The following DTNA variants were observed in gnomAD, a reference collection of about 807,000 sequenced individuals.
The protein encoded by DTNA is dystrobrevin alpha.
A neutral mutation model predicts 100.7 loss-of-function variants in DTNA; 43 were observed. The observed-to-expected ratio is 0.43, with a 90% CI of 0.33 to 0.55. The LOEUF is 0.55. DTNA is among the 20% of genes least tolerant of loss of function. DTNA has a pLI of 0.04. For missense variants in DTNA, 798 were observed against 953.9 expected, an observed-to-expected ratio of 0.84 and a Z score of 2.15; for synonymous variants, 349 against 347.9, an observed-to-expected ratio of 1.00 and a Z score of -0.04.
At position 34,528,492 on chromosome 18, in the gene DTNA, A is replaced by C. The variant is rs551130112; in HGVS notation, c.-2+34978A>C. Among the ~76,000 whole-genome samples the C allele has an allele frequency of 2.0e-4, 30 of 152,166 alleles. No individual in the cohort carries two copies. In the Middle Eastern group the frequency reaches 0.014, roughly 69 times the overall value. On this transcript the variant is annotated intron_variant, in intron 1 of 19. Coordinates refer to the DTNA transcript ENST00000283365. ...TTCAGCAATGCATATATATATACAC[A>C]CACATATATTTTTTTCCGACTTAAA...
chr18:34,794,360 C>A, intron 4 of DTNA, 110 bp downstream of exon 4: 1 of 1,225,188 alleles, frequency 8.2e-7, no homozygotes, highest in East Asian at 2.4e-5. Context: ...TTTTTTTACT[C>A]TCTTTTTTCT....
intron 1 of DTNA, among the ~76,000 whole-genome samples, chr18:34,519,214 G>A (rs1001035400): frequency 2.0e-5 from 3 of 152,118 alleles, no homozygotes; most frequent in East Asian, 1.9e-4. Context: ...ATTGTTTTCC[G>A]ATATGAAGCT....
At chr18:34,735,429 C>T (rs2089355107) in intron 1 of DTNA, among the ~76,000 whole-genome samples, 3 of 152,202 alleles carry the variant, frequency 2.0e-5, no homozygotes, top group Admixed American at 2.0e-4. Flanking sequence ...TACTAAAAAA[C>T]TGTTTGCCAA....
At chr18:34,667,893 T>A (rs974199029) in intron 1 of DTNA, among the ~76,000 whole-genome samples, 3 of 152,128 alleles carry the variant, frequency 2.0e-5, no homozygotes, top group Admixed American at 6.6e-5. Flanking sequence ...CTCTTTTTTT[T>A]GTTGTGTCTC....
chr18:34,506,893 T>C (rs2040546946), intron 1 of DTNA, among the ~76,000 whole-genome samples: 1 of 152,180 alleles, frequency 6.6e-6, no homozygotes, highest in African/African-American at 2.4e-5. Context: ...TTTCTCCTTC[T>C]TCACAGAAGC....
At chr18:34,829,518 C>T (rs548641246) in intron 11 of DTNA, 29 bp downstream of exon 11, 19 of 1,490,032 alleles carry the variant, frequency 1.3e-5, no homozygotes, top group African/African-American at 9.7e-5. Context: ...AATTGCTAAT[C>T]GTAGTAGTAG....
At chr18:34,698,501 A>G (rs1430513565) in intron 1 of DTNA, among the ~76,000 whole-genome samples, 1 of 152,124 alleles carries the variant, frequency 6.6e-6, no homozygotes, top group Non-Finnish European at 1.5e-5. Context: ...CCCCGTTTGT[A>G]TGTCTCTTTT....
Position 34,538,871 on chromosome 18 carries a change from G to C in DTNA, c.-2+45357G>C, listed in dbSNP as rs570308097. Among the ~76,000 whole-genome samples the C allele has an allele frequency of 3.3e-5, 5 of 152,020 alleles. No homozygotes were observed. In the South Asian group the frequency reaches 1.0e-3, roughly 32 times the overall value. ...ATCTTCCTAAGAACAAAGAGCAAAA[G>C]CAGAATCCACACAGGAAAATTTTGT... On this transcript the variant is annotated intron_variant, in intron 1 of 19. Coordinates refer to the DTNA transcript ENST00000283365.
At chr18:34,728,659 G>A (rs1298171976) in intron 1 of DTNA, among the ~76,000 whole-genome samples, 3 of 152,254 alleles carry the variant, frequency 2.0e-5, no homozygotes, top group African/African-American at 7.2e-5. Context: ...GAGGCCCAAA[G>A]GGCATCCCCA....
chr18:34,822,817 G>A (rs934968934), intron 9 of DTNA, among the ~76,000 whole-genome samples: 7 of 151,572 alleles, frequency 4.6e-5, no homozygotes, highest in South Asian at 2.1e-4. Context: ...GTTCCATGGA[G>A]AGATTTTAAA....
chr18:34,636,438 T>G (rs1166271114), intron 1 of DTNA, among the ~76,000 whole-genome samples: 1 of 152,174 alleles, frequency 6.6e-6, no homozygotes, highest in African/African-American at 2.4e-5. Context: ...TTAGTAATTT[T>G]TAATGTTTCA....
chr18:34,860,651 G>A (rs189537547), intron 16 of DTNA, among the ~76,000 whole-genome samples: 19 of 152,192 alleles, frequency 1.2e-4, no homozygotes, highest in African/African-American at 4.1e-4. Context: ...TTTGTTTTTC[G>A]TTAATGCATA....
intron 1 of DTNA, among the ~76,000 whole-genome samples, chr18:34,720,029 A>G (rs2084931033): frequency 6.6e-6 from 1 of 152,210 alleles, no homozygotes; most frequent in Admixed American, 6.5e-5. Flanking sequence ...CCGTCTTACT[A>G]GGAATTAAAT....
At chr18:34,529,320 T>C (rs1030686224) in intron 1 of DTNA, among the ~76,000 whole-genome samples, 3 of 152,124 alleles carry the variant, frequency 2.0e-5, no homozygotes, top group African/African-American at 7.2e-5. Context: ...CAGTATGTGA[T>C]TGAAGTCAGC....
chr18:34,499,478 A>G (rs1186375686), intron 1 of DTNA, among the ~76,000 whole-genome samples: 1 of 152,236 alleles, frequency 6.6e-6, no homozygotes, highest in Admixed American at 6.5e-5. Context: ...GTATTAATGT[A>G]TAATATGTAT....
At chr18:34,817,363 A>G (rs550065701) in intron 7 of DTNA, among the ~76,000 whole-genome samples, 1 of 152,326 alleles carries the variant, frequency 6.6e-6, no homozygotes, top group East Asian at 1.9e-4. Flanking sequence ...TTGTTGTTTT[A>G]GTATCTAGCT....
At position 34,746,926 on chromosome 18, in the gene DTNA, A is replaced by T. The variant is rs1319198049; in HGVS notation, c.-1-9050A>T. Among the ~76,000 whole-genome samples the T allele has an allele frequency of 2.0e-5, 3 of 152,102 alleles. No individual in the cohort carries two copies. The East Asian group carries it at 5.8e-4, about 29-fold the overall frequency. On this transcript the variant is annotated intron_variant, in intron 1 of 22. Coordinates refer to ENST00000444659, the MANE Select transcript of DTNA (RefSeq NM_001386795.1). ...ATCAAATGAAACCAAACGAAACCAA[A>T]TGTCCTTAAGCAACTTGTACAGTCT...
In DTNA at chr18:34,776,027, A is replaced by G. The variant is rs533677040; in HGVS notation, c.148+9986A>G. Among the ~76,000 whole-genome samples the G allele has an allele frequency of 5.3e-5, 8 of 152,348 alleles. No homozygotes were observed. In the South Asian group the frequency reaches 1.5e-3, roughly 28 times the overall value. On this transcript the variant is annotated intron_variant, in intron 3 of 22. Transcript: ENST00000444659. ...AAGACTGCTCAGATATGTAAGAGCC[A>G]CTGGGACATATACTTTGTATAAAAT...
chr18:34,654,311 G>A (rs2074039041), intron 1 of DTNA, among the ~76,000 whole-genome samples: 1 of 152,216 alleles, frequency 6.6e-6, no homozygotes, highest in Non-Finnish European at 1.5e-5. Context: ...CCTTACCTTA[G>A]TTAATAATCC....
Sources: gnomAD v4.1 joint callset for allele counts (sites outside exome capture counted in the v4.1 genomes callset) on GRCh38, gnomAD v4.1.1 for gene constraint, MANE v1.5 for transcripts, NCBI Gene and HGNC (gene_info 2026-07-23, HGNC 2026-07-21) for gene names.